SP140: variants seen among roughly 807,000 people sequenced by gnomAD.
SP140 encodes nuclear body protein SP140.
SP140 carries 81 observed loss-of-function variants against 125.0 expected under a neutral mutation model. The observed-to-expected ratio is 0.65, with a 90% CI of 0.54 to 0.78. The LOEUF is 0.78. Among genes scored for constraint, SP140 ranks in the 30% least tolerant of loss-of-function variants. The probability of loss-of-function intolerance (pLI) is 0.00; values close to 1 mark genes in which losing one functional copy is unlikely to be tolerated. For missense variants in SP140, 858 were observed against 1,037.0 expected (o/e 0.83, Z 2.37); for synonymous variants, 312 against 354.0 (o/e 0.88, Z 1.33).
intron 3 of SP140, chr2:230,238,682 G>A (rs889717232): frequency 8.2e-5 from 94 of 1,147,454 alleles, no homozygotes; most frequent in Non-Finnish European, 1.1e-4. Flanking sequence ...CATGAGTGAT[G>A]TCTTTTCATG....
intron 22 of SP140, among the ~76,000 whole-genome samples, chr2:230,306,281 C>T (rs1037633353): frequency 1.2e-4 from 19 of 152,200 alleles, no homozygotes; most frequent in African/African-American, 1.7e-4. Context: ...AAGGTGCAGC[C>T]GAGACTCACA....
intron 11 of SP140, among the ~76,000 whole-genome samples, chr2:230,254,172 T>A (rs573543131): frequency 2.1e-4 from 32 of 152,148 alleles, no homozygotes; most frequent in Non-Finnish European, 4.0e-4. Flanking sequence ...CAGATTAAAC[T>A]ATGCAGAGAA....
intron 11 of SP140, among the ~76,000 whole-genome samples, chr2:230,254,438 T>C (rs1159945473): frequency 6.6e-6 from 1 of 152,198 alleles, no homozygotes; most frequent in African/African-American, 2.4e-5. Flanking sequence ...TTGTCAAGCA[T>C]TTAATATCTG....
At chr2:230,254,141 C>T (rs983670263) in intron 11 of SP140, among the ~76,000 whole-genome samples, 3 of 152,026 alleles carry the variant, frequency 2.0e-5, no homozygotes, top group Non-Finnish European at 4.4e-5. Context: ...ATACAAATGA[C>T]AACAATGTTG....
chr2:230,234,633 G>T (rs990731650), intron 1 of SP140, among the ~76,000 whole-genome samples: 2 of 152,088 alleles, frequency 1.3e-5, no homozygotes, highest in Non-Finnish European at 2.9e-5. Context: ...GACATTTAGG[G>T]TTTCAAATTC....
intron 7 of SP140, 92 bp downstream of exon 7, chr2:230,246,032 T>C: frequency 4.1e-6 from 3 of 732,922 alleles, no homozygotes; most frequent in Non-Finnish European, 7.3e-6. Context: ...CATCTATTCA[T>C]GTATTCATCC....
intron 1 of SP140, chr2:230,209,963 T>A (rs377293393): frequency 1.2e-6 from 2 of 1,610,456 alleles, no homozygotes; most frequent in African/African-American, 2.7e-5. Flanking sequence ...GGACACCTCC[T>A]GGGGCTCTTC....
chr2:230,247,390 A>T (rs10177685), intron 7 of SP140, among the ~76,000 whole-genome samples: 45,628 of 151,768 alleles, frequency 0.3, 6,999 homozygotes, highest in Middle Eastern at 0.35. Context: ...CTCATGACTC[A>T]CCCCACCTCC....
intron 1 of SP140, among the ~76,000 whole-genome samples, chr2:230,229,612 C>G (rs538292288): frequency 6.6e-6 from 1 of 151,316 alleles, no homozygotes; most frequent in Non-Finnish European, 1.5e-5. Context: ...GGACTACAGG[C>G]GCCCACCACC....
intron 12 of SP140, among the ~76,000 whole-genome samples, chr2:230,268,804 T>C (rs962683698): frequency 1.3e-5 from 2 of 152,306 alleles, no homozygotes; most frequent in African/African-American, 2.4e-5. Flanking sequence ...CTGAGATTCA[T>C]GCCTGTGGTT....
rs55829350 is a variant in SP140, at chr2:230,255,540, CG to C, written c.1240+18del. 0.79 allele frequency: 1,227,429 copies of C among 1,556,398 alleles called. 480,457 individuals are homozygous for C. Among genetic ancestry groups the C allele is most frequent in the East Asian group, 0.88 (38,638 of 43,816 alleles). On this transcript the variant is annotated intron_variant, in intron 12 of 26. Transcript: ENST00000392045. ...TAGCAAGACGTGGGTCAGGTAAGGA[CG>C]GGGGGGGGGATTTCTGGCCCTGGGC...
upstream of SP140, chr2:230,200,994 C>T: frequency 6.4e-7 from 1 of 1,550,748 alleles, no homozygotes; most frequent in Non-Finnish European, 8.9e-7. Context: ...TAGTAAATGC[C>T]CCTTGGGAAA....
At chr2:230,186,272 C>T in the SP140 span, 1 of 868,682 alleles carries the variant, frequency 1.2e-6, no homozygotes, top group Non-Finnish European at 1.8e-6. Flanking sequence ...TTCTTCCCCC[C>T]AGACTCATAA....
At chr2:230,267,018 T>A (rs2053227949) in intron 12 of SP140, among the ~76,000 whole-genome samples, 1 of 152,198 alleles carries the variant, frequency 6.6e-6, no homozygotes, top group Admixed American at 6.5e-5. Context: ...AAAGAAATAT[T>A]TGGGGGCCAT....
chr2:230,282,261 G>A (rs1166915343), intron 15 of SP140, among the ~76,000 whole-genome samples: 1 of 152,078 alleles, frequency 6.6e-6, no homozygotes, highest in African/African-American at 2.4e-5. Context: ...ACTGGTCAGG[G>A]ATACATTTGC....
the SP140 span, chr2:230,186,154 T>C: frequency 8.5e-4 from 1,366 of 1,613,834 alleles, 12 homozygotes; most frequent in African/African-American, 0.015. Context: ...CTGGACCAAA[T>C]AGACTTGTGA....
At chr2:230,220,526 C>G (rs28364594) in intron 3 of SP140, among the ~76,000 whole-genome samples, 2 of 152,170 alleles carry the variant, frequency 1.3e-5, no homozygotes, top group African/African-American at 4.8e-5. Flanking sequence ...TGTGCAGAGG[C>G]AGGCAGACCT....
chr2:230,313,469 T>A (rs556749625), downstream of SP140, among the ~76,000 whole-genome samples: 9 of 152,342 alleles, frequency 5.9e-5, no homozygotes, highest in East Asian at 1.7e-3. Flanking sequence ...CCAGCCCCCT[T>A]GCCTGAAAGC....
Position 230,255,447 on chromosome 2 carries a change from T to G in SP140, c.1160-5T>G, listed in dbSNP as rs1306320942. On this transcript the variant is annotated splice_region_variant and splice_polypyrimidine_tract_variant and intron_variant, in intron 11 of 26. Coordinates refer to ENST00000392045, the MANE Select transcript of SP140 (RefSeq NM_007237.5). Reference sequence around the variant, plus strand: ...ACCTCTGAGGGATTTCCTTCCTTTCTGCAGAGGGCAGTGATGACTGTTCGG... The same window carrying G: ...ACCTCTGAGGGATTTCCTTCCTTTCGGCAGAGGGCAGTGATGACTGTTCGG... The G allele has an allele frequency of 1.2e-6, 2 of 1,613,792 alleles. No homozygotes were observed. Among genetic ancestry groups the G allele is most frequent in the African/African-American group, 1.3e-5 (1 of 74,892 alleles).
Sources: allele counts gnomAD v4.1 joint callset (sites outside exome capture counted in the v4.1 genomes callset), GRCh38; gene constraint gnomAD v4.1.1; transcripts MANE v1.5; gene names NCBI Gene and HGNC (gene_info 2026-07-23, HGNC 2026-07-21).